IPO8: variants seen among roughly 807,000 people sequenced by gnomAD.
The protein encoded by IPO8 is importin-8.
Under a neutral mutation model 141.2 loss-of-function variants are expected in IPO8, and 65 were observed. The observed-to-expected ratio is 0.46, with a 90% confidence interval of 0.38 to 0.57. The LOEUF (loss-of-function observed/expected upper bound fraction) is 0.57. Ranked by LOEUF, IPO8 falls within the 20% of genes least tolerant of loss-of-function variation. The pLI, the probability that IPO8 is intolerant of heterozygous loss-of-function variation, is 0.00. For synonymous variants in IPO8, 411 were observed against 420.3 expected, an observed-to-expected ratio of 0.98 and a Z score of 0.27; for missense variants, 980 against 1,246.8, an observed-to-expected ratio of 0.79 and a Z score of 3.22.
At position 30,652,878 on chromosome 12, in the gene IPO8, T is replaced by A. The variant is rs1480820945; in HGVS notation, c.2074+89A>T. On this transcript the variant is annotated intron_variant, in intron 18 of 24. Transcript: ENST00000256079. The stretch of plus-strand genomic sequence containing the variant: ...AATAAAAACATTTTCTGATCAATAT[T>A]GGAATCATATGTGTTTTTATTTCAG... The A allele has an allele frequency of 5.1e-6, 6 of 1,182,870 alleles. No homozygotes were observed. The East Asian group carries it at 1.4e-4, about 28-fold the overall frequency. 73.3% of individuals were successfully genotyped at this position (1,182,870 alleles called of 1,614,324 possible).
chr12:30,692,060 C>A (rs1175405393), intron 1 of IPO8, among the ~76,000 whole-genome samples: 1 of 152,112 alleles, frequency 6.6e-6, no homozygotes, highest in Non-Finnish European at 1.5e-5. Flanking sequence ...ATTCACCCAG[C>A]CTTCACCTTC....
At chr12:30,648,791 T>C (rs954681909) in intron 20 of IPO8, among the ~76,000 whole-genome samples, 1 of 152,132 alleles carries the variant, frequency 6.6e-6, no homozygotes, top group Non-Finnish European at 1.5e-5. Flanking sequence ...CCTTAATTTC[T>C]GGTTAGAAAA....
At chr12:30,638,792 G>A (rs1450593966) in intron 21 of IPO8, among the ~76,000 whole-genome samples, 6 of 152,078 alleles carry the variant, frequency 3.9e-5, no homozygotes, top group East Asian at 3.9e-4. Context: ...TCAGCCTCCC[G>A]AGTAGCTGGG....
intron 3 of IPO8, among the ~76,000 whole-genome samples, chr12:30,683,783 CATCTA>C (rs2053212386): frequency 1.3e-5 from 2 of 152,208 alleles, no homozygotes; most frequent in Admixed American, 6.5e-5. Flanking sequence ...TGCTCTACAG[CATCTA>C]ATCTATGACT....
chr12:30,687,553 T>C (rs2053253665), intron 2 of IPO8, among the ~76,000 whole-genome samples: 1 of 152,164 alleles, frequency 6.6e-6, no homozygotes, highest in African/African-American at 2.4e-5. Context: ...TAAGTCTTGC[T>C]GTTTTTCATT....
Position 30,695,095 on chromosome 12 carries a change from T to A in IPO8, c.84+469A>T. 2.2e-6 allele frequency: 1 copy of A among 449,458 alleles called. No individual in the cohort carries two copies. Among genetic ancestry groups the A allele is most frequent in the Non-Finnish European group, 4.5e-6 (1 of 224,566 alleles). The allele number at this position is 449,458 out of a possible 1,614,324, so 27.8% of individuals were successfully genotyped here. A position where few individuals can be genotyped will look rare whatever the true frequency, so the allele number is the denominator to read the frequency against. On this transcript the variant is annotated intron_variant, in intron 1 of 24. Coordinates refer to ENST00000256079, the MANE Select transcript of IPO8 (RefSeq NM_006390.4). The surrounding 1 kb of genome is among the most constrained non-coding windows in gnomAD (Gnocchi z 4.2). ...ACTCGGCCAATCGGTGTCAAAACAGTCCTGCCAACCCGACAGGAGGAGGCG... is the reference window on the plus strand; with the variant it reads ...ACTCGGCCAATCGGTGTCAAAACAGACCTGCCAACCCGACAGGAGGAGGCG...
chr12:30,641,955 G>A (rs1019671679), intron 20 of IPO8, among the ~76,000 whole-genome samples: 12 of 152,130 alleles, frequency 7.9e-5, no homozygotes, highest in African/African-American at 2.9e-4. Context: ...AGTACTTTGG[G>A]AGGCTGAGAC....
chr12:30,665,259 A>G lies in IPO8; in HGVS notation c.1389T>C (p.Phe463=), dbSNP rs1169769411. 6.2e-7 allele frequency: 1 copy of G among 1,600,744 alleles called. No individual in the cohort carries two copies. Among genetic ancestry groups the G allele is most frequent in the Non-Finnish European group, 8.5e-7 (1 of 1,170,588 alleles). ...QMELFLQNHV[F]PLLLSNLGYL... is the part of the protein sequence containing the mutation. ...ATCCCAGGTTAGACAATAATAATGG[A>G]AATACATGATTTTGTAGAAACAGCT... The change falls in exon 13 of 25, where the codon TTT becomes TTC. Residue 463 remains phenylalanine (F), a synonymous_variant. Transcript: ENST00000256079.
At chr12:30,671,172 AC>A in intron 8 of IPO8, 76 bp from the exon 9 acceptor site, 1 of 913,706 alleles carries the variant, frequency 1.1e-6, no homozygotes, top group Non-Finnish European at 1.7e-6. Flanking sequence ...TTTTGGCATG[AC>A]CTAAAATTCA....
At chr12:30,637,962 T>A (rs2052525165) in intron 21 of IPO8, among the ~76,000 whole-genome samples, 1 of 152,238 alleles carries the variant, frequency 6.6e-6, no homozygotes. Context: ...GCTTCTGTTA[T>A]TCTTCATTAT....
chr12:30,674,108 T>C, intron 7 of IPO8, 34 bp from the exon 8 acceptor site: 1 of 1,305,082 alleles, frequency 7.7e-7, no homozygotes, highest in South Asian at 1.3e-5. Flanking sequence ...ACAAATACCG[T>C]GAATTTTACA....
chr12:30,678,611 A>T (rs1423804619), intron 5 of IPO8, among the ~76,000 whole-genome samples: 1 of 152,106 alleles, frequency 6.6e-6, no homozygotes, highest in African/African-American at 2.4e-5. Flanking sequence ...GTAACACATG[A>T]CTGTACATGT....
intron 8 of IPO8, among the ~76,000 whole-genome samples, chr12:30,671,303 G>T (rs1345255779): frequency 2.0e-5 from 3 of 152,138 alleles, no homozygotes; most frequent in Non-Finnish European, 1.5e-5. Flanking sequence ...GTGTCTCATT[G>T]TAACTTCCAG....
At position 30,695,850 on chromosome 12, in the gene IPO8, C is replaced by T. The variant is rs1011504609; in HGVS notation, c.-203G>A. 6 of 529,322 alleles carry T rather than the reference C, an allele frequency of 1.1e-5. No homozygotes were observed. Among genetic ancestry groups the T allele is most frequent in the Non-Finnish European group, 1.0e-5 (3 of 294,996 alleles). The allele number at this position is 529,322 out of a possible 1,614,324, so 32.8% of individuals were successfully genotyped here. ...CTCCCTTTTTCCCCCCCACAACTCG[C>T]TCTCCATTCACCGTTTTACGACAGC... On this transcript the variant is annotated 5_prime_UTR_variant, in exon 1 of 25. Coordinates refer to ENST00000256079, the MANE Select transcript of IPO8 (RefSeq NM_006390.4). The surrounding 1 kb of genome is among the most constrained non-coding windows in gnomAD (Gnocchi z 4.2).
At position 30,652,273 on chromosome 12, in the gene IPO8, C is replaced by T; in HGVS notation, c.2091G>A (p.Leu697=). The change falls in exon 19 of 25, where the codon CTG becomes CTA. Residue 697 remains leucine (L), a synonymous_variant. Coordinates refer to ENST00000256079, the MANE Select transcript of IPO8 (RefSeq NM_006390.4). The stretch of plus-strand genomic sequence containing the variant: ...CTGTATCTATTGTCACATAATTATG[C>T]AGGAGAGGCATCATGTCTGAAAAAA... The part of the protein sequence containing the change: ...FEYFTDMMPL[L]HNYVTIDTDT... 6.3e-7 allele frequency: 1 copy of T among 1,593,694 alleles called. No homozygotes were observed. Among genetic ancestry groups the T allele is most frequent in the Non-Finnish European group, 8.6e-7 (1 of 1,164,424 alleles).
intron 23 of IPO8, among the ~76,000 whole-genome samples, chr12:30,633,500 C>A (rs1180624614): frequency 6.6e-6 from 1 of 152,026 alleles, no homozygotes; most frequent in Non-Finnish European, 1.5e-5. Flanking sequence ...GGTTACTGGT[C>A]TTATGTATCT....
At chr12:30,643,774 C>A (rs557215433) in intron 20 of IPO8, among the ~76,000 whole-genome samples, 1 of 152,364 alleles carries the variant, frequency 6.6e-6, no homozygotes, top group East Asian at 1.9e-4. Context: ...TGACCTTCCA[C>A]CACGTTGTGG....
intron 4 of IPO8, among the ~76,000 whole-genome samples, chr12:30,680,893 T>C (rs76700034): frequency 0.022 from 3,409 of 152,260 alleles, 61 homozygotes; most frequent in Non-Finnish European, 0.03. Context: ...ATTTTGCAGT[T>C]TTCCTACATG....
At chr12:30,639,919 G>A (rs1377997238) in intron 20 of IPO8, among the ~76,000 whole-genome samples, 184 bp from the exon 21 acceptor site, 1 of 152,110 alleles carries the variant, frequency 6.6e-6, no homozygotes, top group Non-Finnish European at 1.5e-5. Flanking sequence ...AGACTAAATA[G>A]ACAAAAACAA....
Sources: gnomAD v4.1 joint callset for allele counts (sites outside exome capture counted in the v4.1 genomes callset) on GRCh38, gnomAD v4.1.1 for gene constraint, Gnocchi (gnomAD v3.1) non-coding constraint, MANE v1.5 for transcripts, NCBI Gene and HGNC (gene_info 2026-07-23, HGNC 2026-07-21) for gene names.